The following AKAP17A variants were observed in gnomAD, a reference collection of about 807,000 sequenced individuals.
AKAP17A encodes A-kinase anchoring protein 17A, also known as A-kinase anchor protein 17A.
In AKAP17A, 15 loss-of-function variants were observed where a neutral mutation model predicts 52.2. The observed-to-expected ratio is 0.29, with a 90% confidence interval of 0.19 to 0.44. The LOEUF (loss-of-function observed/expected upper bound fraction) is 0.44. Ranked by LOEUF, AKAP17A falls within the 20% of genes least tolerant of loss-of-function variation. The pLI is 1.00. For synonymous variants in AKAP17A, 514 were observed against 424.7 expected (o/e 1.21, Z -2.58); for missense variants, 1,060 against 1,007.0 (o/e 1.05, Z -0.71).
intron 3 of AKAP17A, among the ~76,000 whole-genome samples, chrX:1,596,920 ATCC>A (rs1242322136): frequency 3.0e-5 from 3 of 100,844 alleles, no homozygotes; most frequent in Non-Finnish European, 4.3e-5. Flanking sequence ...GTGAGGCGGA[ATCC>A]TCCTCCTCCT....
Position 1,601,920 on chromosome X carries a change from C to A in AKAP17A, c.*326C>A, listed in dbSNP as rs1933409021. On this transcript the variant is annotated 3_prime_UTR_variant, in exon 5 of 5. Transcript: ENST00000313871. ...GTGAGGATGGCAGAGCTGCTGCATTCCCCCACACGGGGATTTCTGTGTCTG... is the reference window on the plus strand; with the variant it reads ...GTGAGGATGGCAGAGCTGCTGCATTACCCCACACGGGGATTTCTGTGTCTG... 3.1e-6 allele frequency: 1 copy of A among 319,376 alleles called. No individual in the cohort carries two copies. The allele number at this position is 319,376 out of a possible 1,614,324, so 19.8% of individuals were successfully genotyped here.
Position 1,601,586 on chromosome X carries a change from A to C in AKAP17A, c.2080A>C (p.Asn694His). The change falls in exon 5 of 5, where the codon AAC becomes CAC. Residue 694 changes from asparagine to histidine, a missense_variant. Asn to His is a moderately conservative substitution (Grantham distance 68, BLOSUM62 1). Around this residue, in one of 2 missense-constraint regions of AKAP17A, gnomAD observed 793 missense variants for 629.9 expected, o/e 1.26. Coordinates refer to ENST00000313871, the MANE Select transcript of AKAP17A (RefSeq NM_005088.3). ...CCCGAGCAGGCACCGCAGTACCTGGAACAGGTAATGACGGGCACGGCCTCC... is the reference window on the plus strand; with the variant it reads ...CCCGAGCAGGCACCGCAGTACCTGGCACAGGTAATGACGGGCACGGCCTCC... Reference protein sequence around the residue: ...RSPSRHRSTWNR With the variant: ...RSPSRHRSTWHR 1 of 1,440,246 alleles carries C rather than the reference A, an allele frequency of 6.9e-7. No homozygotes were observed. The highest frequency in any genetic ancestry group is 9.1e-7 in the Non-Finnish European group (1 of 1,104,890). The allele number at this position is 1,440,246 out of a possible 1,614,324, so 89.2% of individuals were successfully genotyped here.
intron 3 of AKAP17A, among the ~76,000 whole-genome samples, chrX:1,596,740 C>CGCTGT (rs1933009242): frequency 1.3e-5 from 1 of 75,382 alleles, no homozygotes; most frequent in African/African-American, 6.4e-5. Context: ...CCGTCCCTCC[C>CGCTGT]ACCCTCCTAG....
chrX:1,594,450 G>C (rs764054775), intron 2 of AKAP17A, among the ~76,000 whole-genome samples: 2 of 152,094 alleles, frequency 1.3e-5, no homozygotes, highest in Non-Finnish European at 2.9e-5. Context: ...AGGAAGATGT[G>C]GGGGAGACAC....
chrX:1,601,411 C>G lies in AKAP17A; in HGVS notation c.1905C>G (p.Arg635=), dbSNP rs751829538. 1 of 1,565,336 alleles carries G rather than the reference C, an allele frequency of 6.4e-7. No individual in the cohort carries two copies. Among genetic ancestry groups the G allele is most frequent in the South Asian group, 1.1e-5 (1 of 87,452 alleles). The change falls in exon 5 of 5, where the codon CGC becomes CGG. Residue 635 remains arginine, a synonymous_variant. Coordinates refer to ENST00000313871, the MANE Select transcript of AKAP17A (RefSeq NM_005088.3). ...KKHAYKDDSP[R]RRSTSPDHTR... is the part of the protein sequence containing the mutation. Reference sequence around the variant, plus strand: ...ACGCCTACAAGGATGACAGCCCCCGCCGGCGCAGCACGAGCCCGGACCACA... The same window carrying G: ...ACGCCTACAAGGATGACAGCCCCCGGCGGCGCAGCACGAGCCCGGACCACA...
chrX:1,598,156 G>A (rs1260024678), intron 3 of AKAP17A, among the ~76,000 whole-genome samples: 1 of 152,206 alleles, frequency 6.6e-6, no homozygotes, highest in African/African-American at 2.4e-5. Context: ...GCTGTGTGCT[G>A]GGCTGCCCTG....
Position 1,599,304 on chromosome X carries a change from G to A in AKAP17A, c.1024G>A (p.Glu342Lys), listed in dbSNP as rs376308096. The A allele has an allele frequency of 6.2e-7, 1 of 1,610,606 alleles. No individual in the cohort carries two copies. Among genetic ancestry groups the A allele is most frequent in the South Asian group, 1.1e-5 (1 of 90,712 alleles). Reference sequence around the variant, plus strand: ...GCTGCGCCGGAATCAGAAGAAGCTGGAGAAGCTGCAGGCGGAGGAGCAGAA... The same window carrying A: ...GCTGCGCCGGAATCAGAAGAAGCTGAAGAAGCTGCAGGCGGAGGAGCAGAA... The part of the protein sequence containing the change: ...RELRRNQKKL[E>K]KLQAEEQKQL... The change falls in exon 4 of 5, where the codon GAG (glutamate) becomes AAG (lysine). Residue 342 changes from glutamate (E) to lysine (K), a missense_variant. Transcript: ENST00000313871.
chrX:1,599,220 C>G lies in AKAP17A; in HGVS notation c.940C>G (p.Arg314Gly). Residue 314 changes from arginine to glycine, a missense_variant, in exon 4 of 5, where the codon CGA becomes GGA. By Grantham distance (125) the Arg-to-Gly change is moderately radical. Coordinates refer to ENST00000313871, the MANE Select transcript of AKAP17A (RefSeq NM_005088.3). ...ACAAAAGGAGCTGGAAGAGCTGGAG[C>G]GAGAGAGGAAAAGAGAAGAGAAGCT... Reference protein sequence around the residue: ...RKQKELEELERERKREEKLRK... With the variant: ...RKQKELEELEGERKREEKLRK... 1 of 1,612,270 alleles carries G rather than the reference C, an allele frequency of 6.2e-7. No homozygotes were observed. The highest frequency in any genetic ancestry group is 8.5e-7 in the Non-Finnish European group (1 of 1,179,826).
At position 1,593,504 on chromosome X, in the gene AKAP17A, G is replaced by T; in HGVS notation, c.42G>T (p.Val14=). 2 of 1,613,796 alleles carry T rather than the reference G, an allele frequency of 1.2e-6. No homozygotes were observed. Among genetic ancestry groups the T allele is most frequent in the Middle Eastern group, 1.7e-4 (1 of 6,056 alleles). ...ATIVHDTSEA[V]ELCPAYGLYL... is the part of the protein sequence containing the mutation. ...TCGTGCACGACACGTCTGAGGCCGT[G>T]GAGCTCTGCCCTGCTTACGGCTTGT... The change falls in exon 2 of 5, where the codon GTG becomes GTT. Residue 14 remains valine, a synonymous_variant. Coordinates refer to ENST00000313871, the MANE Select transcript of AKAP17A (RefSeq NM_005088.3).
intron 1 of AKAP17A, among the ~76,000 whole-genome samples, chrX:1,593,180 C>T (rs1288813547): frequency 3.7e-4 from 56 of 152,230 alleles, no homozygotes; most frequent in Admixed American, 5.2e-4. Flanking sequence ...TGTAGGGTGT[C>T]GGGCAGTGCT....
At position 1,600,873 on chromosome X, in the gene AKAP17A, T is replaced by C. The variant is rs1226525983; in HGVS notation, c.1367T>C (p.Leu456Pro). Residue 456 changes from leucine (L) to proline (P), a missense_variant, in exon 5 of 5, where the codon CTG (leucine) becomes CCG (proline). Around this residue, in one of 2 missense-constraint regions of AKAP17A, gnomAD observed 793 missense variants for 629.9 expected, o/e 1.26. Coordinates refer to ENST00000313871, the MANE Select transcript of AKAP17A (RefSeq NM_005088.3). Reference sequence around the variant, plus strand: ...GACGACAGCCACACACACGACGAGCTGGGCGTGGCACACGCCGACCTGCTG... The same window carrying C: ...GACGACAGCCACACACACGACGAGCCGGGCGTGGCACACGCCGACCTGCTG... The part of the protein sequence containing the change: ...KPDDSHTHDE[L>P]GVAHADLLQP... The C allele has an allele frequency of 6.3e-6, 10 of 1,587,284 alleles. No homozygotes were observed. The highest frequency in any genetic ancestry group is 8.5e-6 in the Non-Finnish European group (10 of 1,171,072).
chrX:1,598,032 A>G (rs1274483438), intron 3 of AKAP17A, among the ~76,000 whole-genome samples: 1 of 152,098 alleles, frequency 6.6e-6, no homozygotes, highest in Admixed American at 6.6e-5. Flanking sequence ...TGGTGGGTGG[A>G]GATGAGGCAT....
At position 1,602,066 on chromosome X, in the gene AKAP17A, C is replaced by T; in HGVS notation, c.*472C>T. On this transcript the variant is annotated 3_prime_UTR_variant, in exon 5 of 5. Coordinates refer to ENST00000313871, the MANE Select transcript of AKAP17A (RefSeq NM_005088.3). ...CCCCCCGTTTGTAATGTTAACTGAT[C>T]AGGAAGTGCAGTTTGGGTGGGATGC... 6.3e-6 allele frequency: 1 copy of T among 158,934 alleles called. No homozygotes were observed. Among genetic ancestry groups the T allele is most frequent in the South Asian group, 2.0e-4 (1 of 4,884 alleles). 9.8% of individuals were successfully genotyped at this position (158,934 alleles called of 1,614,324 possible). A position where few individuals can be genotyped will look rare whatever the true frequency, so the allele number is the denominator to read the frequency against.
chrX:1,593,632 G>C lies in AKAP17A; in HGVS notation c.170G>C (p.Gly57Ala). The change falls in exon 2 of 5, where the codon GGC (glycine) becomes GCC (alanine). Residue 57 changes from glycine to alanine, a missense_variant. Physicochemically the swap from Gly to Ala is moderately conservative, Grantham distance 60 (BLOSUM62 0). Transcript: ENST00000313871. ...SNWEVMERLK[G>A]MVQNHQFSTL... ...TGGGAGGTGATGGAGAGGCTGAAGG[G>C]CATGGTGCAGAACCACCAGTTCTCC... The C allele has an allele frequency of 6.2e-7, 1 of 1,613,892 alleles. No homozygotes were observed. The highest frequency in any genetic ancestry group is 8.5e-7 in the Non-Finnish European group (1 of 1,179,858).
chrX:1,595,634 G>C, intron 3 of AKAP17A, 102 bp downstream of exon 3: 8 of 1,525,984 alleles, frequency 5.2e-6, no homozygotes, highest in Non-Finnish European at 7.2e-6. Flanking sequence ...GCGTGTGTGT[G>C]TGCATGCATG....
intron 4 of AKAP17A, 142 bp downstream of exon 4, chrX:1,599,574 A>G: frequency 1.7e-6 from 2 of 1,166,228 alleles, no homozygotes; most frequent in Non-Finnish European, 1.3e-6. Flanking sequence ...GCCGAGGATG[A>G]CGGCTCCTTC....
At chrX:1,600,262 C>T (rs1203590322) in intron 4 of AKAP17A, 14 of 1,174,088 alleles carry the variant, frequency 1.2e-5, no homozygotes, top group East Asian at 9.0e-5. Context: ...GCAGCTACGG[C>T]GGTGGCATGC....
intron 4 of AKAP17A, chrX:1,600,387 C>T (rs1279572178): frequency 6.8e-5 from 42 of 619,284 alleles, no homozygotes; most frequent in Admixed American, 2.7e-4. Flanking sequence ...CCAAGAGGCC[C>T]GCCCTGGGGC....
chrX:1,599,117 G>C (rs1933197455), intron 3 of AKAP17A, 75 bp from the exon 4 acceptor site: 1 of 1,564,982 alleles, frequency 6.4e-7, no homozygotes, highest in Non-Finnish European at 8.6e-7. Context: ...CGCCGTGTTT[G>C]GAAAGCCGCT....
Sources: gnomAD v4.1 joint callset for allele counts (sites outside exome capture counted in the v4.1 genomes callset) on GRCh38, gnomAD v4.1.1 for gene constraint, gnomAD v4.1.1 regional missense constraint, MANE v1.5 for transcripts, NCBI Gene and HGNC (gene_info 2026-07-23, HGNC 2026-07-21) for gene names.